Variants in LRRC4C observed in about 807,000 individuals in gnomAD.
LRRC4C encodes the protein leucine-rich repeat-containing protein 4C.
LRRC4C carries 5 observed loss-of-function variants against 33.6 expected under a neutral mutation model. That is an observed-to-expected ratio of 0.15 (90% CI 0.08 to 0.31). LRRC4C has a LOEUF of 0.31. LRRC4C is among the 10% of genes least tolerant of loss of function. The pLI is 1.00. For missense variants in LRRC4C, 560 were observed against 796.7 expected, an observed-to-expected ratio of 0.70 and a Z score of 3.58; for synonymous variants, 329 against 302.0, an observed-to-expected ratio of 1.09 and a Z score of -0.93.
At chr11:41,103,586 T>C (rs1289846539) in intron 1 of LRRC4C, among the ~76,000 whole-genome samples, 1 of 151,856 alleles carries the variant, frequency 6.6e-6, no homozygotes, top group Non-Finnish European at 1.5e-5. Context: ...AAGAGGTTTA[T>C]AGTCTGGGAA....
At chr11:40,274,424 T>TACACACACACACACACACACACAC (rs56027023) in intron 4 of LRRC4C, among the ~76,000 whole-genome samples, 3 of 138,970 alleles carry the variant, frequency 2.2e-5, no homozygotes, top group East Asian at 2.3e-4. Flanking sequence ...GACACACACA[T>TACACACACACACACACACACACAC]ACACACACAC....
At chr11:40,620,922 T>A (rs1962388029) in intron 3 of LRRC4C, among the ~76,000 whole-genome samples, 1 of 151,868 alleles carries the variant, frequency 6.6e-6, no homozygotes, top group South Asian at 2.1e-4. Flanking sequence ...TTTCAGAGAA[T>A]GCAGCGTCTA....
intron 1 of LRRC4C, among the ~76,000 whole-genome samples, chr11:41,434,310 C>CT (rs916747294): frequency 1.3e-5 from 2 of 152,134 alleles, no homozygotes; most frequent in Admixed American, 6.5e-5. Flanking sequence ...CTGGGAATCT[C>CT]TTTTTTTAAT....
intron 1 of LRRC4C, among the ~76,000 whole-genome samples, chr11:41,137,843 A>T (rs1943331778): frequency 6.6e-6 from 1 of 152,178 alleles, no homozygotes; most frequent in Non-Finnish European, 1.5e-5. Flanking sequence ...CTGCCCATTG[A>T]TCTGAAGCAG....
intron 3 of LRRC4C, among the ~76,000 whole-genome samples, chr11:40,394,104 T>G (rs1949444298): frequency 6.6e-6 from 1 of 151,974 alleles, no homozygotes; most frequent in Non-Finnish European, 1.5e-5. Flanking sequence ...CATAGTCTTG[T>G]TTAGATAATG....
chr11:41,227,335 T>C (rs1302111565), intron 1 of LRRC4C, among the ~76,000 whole-genome samples: 3 of 152,062 alleles, frequency 2.0e-5, no homozygotes, highest in African/African-American at 4.8e-5. Context: ...ACCTAAGTTA[T>C]AGAGTAAGTA....
intron 1 of LRRC4C, among the ~76,000 whole-genome samples, chr11:41,164,310 T>C (rs79050822): frequency 6.6e-6 from 1 of 151,992 alleles, no homozygotes; most frequent in Non-Finnish European, 1.5e-5. Flanking sequence ...CCACATCTTG[T>C]TCCAGTAGAA....
intron 1 of LRRC4C, among the ~76,000 whole-genome samples, chr11:41,275,027 T>C (rs1276613723): frequency 1.3e-5 from 2 of 152,110 alleles, no homozygotes; most frequent in African/African-American, 2.4e-5. Context: ...GTTCTCACTT[T>C]CTGGGTTCAT....
intron 4 of LRRC4C, among the ~76,000 whole-genome samples, chr11:40,281,534 G>A (rs905772422): frequency 6.6e-6 from 1 of 152,148 alleles, no homozygotes; most frequent in African/African-American, 2.4e-5. Context: ...TCATTCAGGA[G>A]AGGCACATCT....
At chr11:41,433,792 C>A (rs1422503126) in intron 1 of LRRC4C, among the ~76,000 whole-genome samples, 1 of 150,178 alleles carries the variant, frequency 6.7e-6, no homozygotes, top group African/African-American at 2.4e-5. Context: ...TTAATAAACT[C>A]CCATATATAT....
intron 2 of LRRC4C, among the ~76,000 whole-genome samples, chr11:40,760,412 C>A (rs1361469476): frequency 1.3e-3 from 181 of 136,018 alleles, no homozygotes; most frequent in Middle Eastern, 7.6e-3. Flanking sequence ...GGTCCTTTAC[C>A]AAAAAAAAAA....
Position 40,317,110 on chromosome 11 carries a change from T to C in LRRC4C, c.-176+2518A>G, listed in dbSNP as rs186990345. Among the ~76,000 whole-genome samples, 3 of 152,018 alleles carry C rather than the reference T, an allele frequency of 2.0e-5. No homozygotes were observed. The East Asian group carries it at 5.8e-4, about 29-fold the overall frequency. ...ACTAATGTTTACTAAAATTCAATGA[T>C]GCAAACATCTTTTATTGAACTTAAT... On this transcript the variant is annotated intron_variant, in intron 4 of 6. Coordinates refer to ENST00000528697, the MANE Select transcript of LRRC4C (RefSeq NM_001258419.2).
intron 1 of LRRC4C, among the ~76,000 whole-genome samples, chr11:41,174,074 A>G (rs1195462612): frequency 6.6e-6 from 1 of 152,112 alleles, no homozygotes; most frequent in Admixed American, 6.6e-5. Flanking sequence ...CAGATGACCA[A>G]TGAAATCATA....
At chr11:40,202,312 T>C (rs1019612595) in intron 5 of LRRC4C, among the ~76,000 whole-genome samples, 1 of 151,952 alleles carries the variant, frequency 6.6e-6, no homozygotes, top group Non-Finnish European at 1.5e-5. Flanking sequence ...TTGTTTTTTT[T>C]TAATAGCTGA....
At chr11:41,008,216 A>T (rs1248865512) in intron 1 of LRRC4C, among the ~76,000 whole-genome samples, 1 of 152,012 alleles carries the variant, frequency 6.6e-6, no homozygotes, top group Non-Finnish European at 1.5e-5. Context: ...AATCCATACC[A>T]CATACAACAG....
intron 5 of LRRC4C, among the ~76,000 whole-genome samples, chr11:40,198,390 C>T (rs534302866): frequency 4.6e-5 from 7 of 152,304 alleles, no homozygotes; most frequent in South Asian, 2.1e-4. Context: ...CTAAGTCCAA[C>T]GATTCATTTA....
chr11:41,414,276 C>T (rs1286576001), intron 1 of LRRC4C, among the ~76,000 whole-genome samples: 1 of 152,120 alleles, frequency 6.6e-6, no homozygotes, highest in Non-Finnish European at 1.5e-5. Context: ...GATTCCTCCC[C>T]ACAACCTACA....
intron 2 of LRRC4C, among the ~76,000 whole-genome samples, chr11:40,657,638 T>G (rs1337724368): frequency 1.3e-5 from 2 of 152,188 alleles, no homozygotes; most frequent in African/African-American, 2.4e-5. Flanking sequence ...CTTCCCGCCT[T>G]TGCTTCAAGT....
intron 1 of LRRC4C, among the ~76,000 whole-genome samples, chr11:41,359,121 G>T (rs1383027801): frequency 6.6e-6 from 1 of 150,658 alleles, no homozygotes; most frequent in Non-Finnish European, 1.5e-5. Context: ...CCAACTACAT[G>T]ACATTCTGAA....
Sources: gnomAD v4.1 joint callset for allele counts (sites outside exome capture counted in the v4.1 genomes callset) on GRCh38, gnomAD v4.1.1 for gene constraint, MANE v1.5 for transcripts, NCBI Gene and HGNC (gene_info 2026-07-23, HGNC 2026-07-21) for gene names.